The following CTNNA2 variants were observed in gnomAD, a reference collection of about 807,000 sequenced individuals.
CTNNA2 encodes the protein catenin alpha-2.
In CTNNA2, 42 loss-of-function variants were observed where a neutral mutation model predicts 101.0. The observed-to-expected ratio is 0.42, with a 90% CI of 0.32 to 0.54. The LOEUF is 0.54. Among genes scored for constraint, CTNNA2 ranks in the 20% least tolerant of loss-of-function variants. The pLI is 0.14. For synonymous variants in CTNNA2, 450 were observed against 456.4 expected (o/e 0.99, Z 0.18); for missense variants, 871 against 1,223.1 (o/e 0.71, Z 4.29).
At chr2:80,587,935 T>C (rs112011904) in intron 14 of CTNNA2, among the ~76,000 whole-genome samples, 4 of 152,316 alleles carry the variant, frequency 2.6e-5, no homozygotes, top group African/African-American at 9.6e-5. Flanking sequence ...TTAACAAATA[T>C]AGTTGATTCT....
intron 2 of CTNNA2, among the ~76,000 whole-genome samples, chr2:79,727,917 T>G (rs1477107424): frequency 6.6e-6 from 1 of 152,142 alleles, no homozygotes; most frequent in African/African-American, 2.4e-5. Context: ...TCATCATTTT[T>G]TATGGCTGCA....
At chr2:79,818,821 T>TTTTATATATATATATA (rs1553373413) in intron 3 of CTNNA2, among the ~76,000 whole-genome samples, 1,107 of 74,076 alleles carry the variant, frequency 0.015, 144 homozygotes, top group East Asian at 0.12. Flanking sequence ...CAAAATGCAA[T>TTTTATATATATATATA]TATATATATA....
intron 3 of CTNNA2, among the ~76,000 whole-genome samples, chr2:79,755,572 G>T (rs1339181227): frequency 6.6e-6 from 1 of 152,128 alleles, no homozygotes; most frequent in Non-Finnish European, 1.5e-5. Context: ...ATCTGGTTCA[G>T]AATTCCCTGC....
At chr2:80,552,641 T>G (rs114091668) in intron 11 of CTNNA2, among the ~76,000 whole-genome samples, 1,739 of 152,280 alleles carry the variant, frequency 0.011, 10 homozygotes, top group Non-Finnish European at 0.019. Flanking sequence ...ATACTGTATT[T>G]ACACACCTAG....
intron 9 of CTNNA2, among the ~76,000 whole-genome samples, chr2:80,469,281 C>T (rs1685100791): frequency 6.6e-6 from 1 of 152,172 alleles, no homozygotes; most frequent in East Asian, 1.9e-4. Flanking sequence ...TCATTATATG[C>T]CTGAACAGCC....
chr2:80,055,851 C>T (rs1056326072), intron 7 of CTNNA2, among the ~76,000 whole-genome samples: 2 of 152,116 alleles, frequency 1.3e-5, no homozygotes, highest in Non-Finnish European at 2.9e-5. Flanking sequence ...GAGCTAAGTG[C>T]GTCCCAAACT....
chr2:79,704,247 T>C (rs1031979760), intron 2 of CTNNA2, among the ~76,000 whole-genome samples: 3 of 152,228 alleles, frequency 2.0e-5, no homozygotes, highest in Admixed American at 6.5e-5. Flanking sequence ...GTGAATCTTG[T>C]GTATAAATTA....
At chr2:79,368,970 C>A (rs1277083928) in intron 3 of CTNNA2, among the ~76,000 whole-genome samples, 1 of 152,110 alleles carries the variant, frequency 6.6e-6, no homozygotes, top group Non-Finnish European at 1.5e-5. Context: ...AGAAGAAAAT[C>A]TTTCTCCTGC....
chr2:79,850,116 A>G (rs1014092733), intron 3 of CTNNA2, among the ~76,000 whole-genome samples: 2 of 150,618 alleles, frequency 1.3e-5, no homozygotes, highest in African/African-American at 5.0e-5. Context: ...GAATAATTGG[A>G]GAAGTGTCTT....
intron 12 of CTNNA2, among the ~76,000 whole-genome samples, chr2:80,562,134 A>C (rs767862661): frequency 6.6e-6 from 1 of 152,112 alleles, no homozygotes; most frequent in Non-Finnish European, 1.5e-5. Flanking sequence ...TCACTATCTT[A>C]GGACTGTTAA....
At chr2:80,588,419 G>A (rs1457538817) in intron 14 of CTNNA2, among the ~76,000 whole-genome samples, 6 of 152,172 alleles carry the variant, frequency 3.9e-5, no homozygotes, top group Non-Finnish European at 8.8e-5. Flanking sequence ...CCTCATCTGG[G>A]AATGTGCATG....
At chr2:79,355,959 G>A (rs752289336) in intron 3 of CTNNA2, among the ~76,000 whole-genome samples, 6 of 151,904 alleles carry the variant, frequency 3.9e-5, no homozygotes, top group Non-Finnish European at 7.4e-5. Flanking sequence ...ATATTTAGGA[G>A]TGGAATTGCT....
At position 79,689,700 on chromosome 2, in the gene CTNNA2, C is replaced by T. The variant is rs77575138; in HGVS notation, c.102+38042C>T. Among the ~76,000 whole-genome samples the T allele has an allele frequency of 7.1e-3, 1,081 of 151,540 alleles. 40 individuals are homozygous for T. In the East Asian group the frequency reaches 0.096, roughly 13 times the overall value. ...ACAGGGGTATTTAAATATAATAGAT[C>T]GATGTAATTATGCATTAATGTAATA... On this transcript the variant is annotated intron_variant, in intron 2 of 18. Coordinates refer to ENST00000402739, the MANE Select transcript of CTNNA2 (RefSeq NM_001282597.3).
At chr2:80,078,311 G>A (rs146101404) in intron 7 of CTNNA2, among the ~76,000 whole-genome samples, 9 of 152,222 alleles carry the variant, frequency 5.9e-5, no homozygotes, top group Admixed American at 3.9e-4. Context: ...ATGGGTGTGC[G>A]GGAGAGGGGC....
intron 8 of CTNNA2, among the ~76,000 whole-genome samples, chr2:80,405,884 A>G (rs369732840): frequency 6.6e-6 from 1 of 152,182 alleles, no homozygotes; most frequent in East Asian, 1.9e-4. Context: ...TCCCAGACCC[A>G]TCTTCTTTCC....
At chr2:80,572,968 T>G (rs1694732761) in intron 12 of CTNNA2, 1 of 152,184 alleles carries the variant, frequency 6.6e-6, no homozygotes, top group African/African-American at 2.4e-5. Context: ...TTTCCAGGAA[T>G]GTTTTATCTT....
rs186924362 is a variant in CTNNA2 at position 79,264,622 on chromosome 2, G to T, written c.-405-48087G>T. On this transcript the variant is annotated intron_variant, in intron 2 of 21. Coordinates refer to the CTNNA2 transcript ENST00000466387. Reference sequence around the variant, plus strand: ...GTTCACCATGAAGTCCTTCAAAGCCGTAGAACAAAATCTGCCATTATAATC... The same window carrying T: ...GTTCACCATGAAGTCCTTCAAAGCCTTAGAACAAAATCTGCCATTATAATC... 2.6e-5 allele frequency among the ~76,000 whole-genome samples: 4 copies of T among 152,218 alleles called. No homozygotes were observed. In the East Asian group the frequency reaches 5.8e-4, roughly 22 times the overall value.
rs73940938 is a variant in CTNNA2, at chr2:80,082,336, C to T, written c.1056+172539C>T. Among the ~76,000 whole-genome samples the T allele has an allele frequency of 2.6e-3, 393 of 152,158 alleles. 3 individuals are homozygous for T. Among genetic ancestry groups the T allele is most frequent in the African/African-American group, 8.7e-3 (360 of 41,506 alleles). On this transcript the variant is annotated intron_variant, in intron 7 of 18. Coordinates refer to ENST00000402739, the MANE Select transcript of CTNNA2 (RefSeq NM_001282597.3). ...AGTATTGGCTTCTCTGATTTGGTATCCCCAGTACCTAGCAGAATGGGAGCA... is the reference window on the plus strand; with the variant it reads ...AGTATTGGCTTCTCTGATTTGGTATTCCCAGTACCTAGCAGAATGGGAGCA...
intron 3 of CTNNA2, among the ~76,000 whole-genome samples, chr2:79,784,684 C>T (rs1437769352): frequency 5.3e-5 from 8 of 151,700 alleles, no homozygotes; most frequent in Non-Finnish European, 1.2e-4. Context: ...TTGGCTCTAC[C>T]TTCAATATGT....
Sources: gnomAD v4.1 joint callset for allele counts (sites outside exome capture counted in the v4.1 genomes callset) on GRCh38, gnomAD v4.1.1 for gene constraint, MANE v1.5 for transcripts, NCBI Gene and HGNC (gene_info 2026-07-23, HGNC 2026-07-21) for gene names.